RBFOX1: variants seen among roughly 807,000 people sequenced by gnomAD.
The protein encoded by RBFOX1 is RNA binding fox-1 homolog 1, also known as RNA binding protein fox-1 homolog 1.
A neutral mutation model predicts 57.7 loss-of-function variants in RBFOX1; 8 were observed. The ratio of observed to expected loss-of-function variants is 0.14; its 90% CI spans 0.08 to 0.25. RBFOX1 has a LOEUF of 0.25. Among genes scored for constraint, RBFOX1 ranks in the 10% least tolerant of loss-of-function variants. RBFOX1 has a pLI of 1.00. For synonymous variants in RBFOX1, 326 were observed against 222.4 expected (o/e 1.47, Z -4.15); for missense variants, 611 against 548.5 (o/e 1.11, Z -1.14).
chr16:7,270,109 C>A (rs1172983135), intron 4 of RBFOX1, among the ~76,000 whole-genome samples: 1 of 152,190 alleles, frequency 6.6e-6, no homozygotes, highest in Non-Finnish European at 1.5e-5. Flanking sequence ...GAAGCTAATA[C>A]TTCTCGTTGA....
intron 1 of RBFOX1, among the ~76,000 whole-genome samples, chr16:6,124,212 G>T (rs2096572143): frequency 6.6e-6 from 1 of 152,146 alleles, no homozygotes; most frequent in Non-Finnish European, 1.5e-5. Flanking sequence ...ATGTTGGATG[G>T]TTTGTCCATG....
At chr16:6,483,319 G>A (rs1378704690) in intron 2 of RBFOX1, 6 of 1,430,570 alleles carry the variant, frequency 4.2e-6, no homozygotes, top group Non-Finnish European at 3.7e-6. Context: ...CGCGCTCGGG[G>A]CGTTCTGCAC....
chr16:6,174,317 G>A (rs1425455707), intron 1 of RBFOX1, among the ~76,000 whole-genome samples: 2 of 152,188 alleles, frequency 1.3e-5, no homozygotes, highest in African/African-American at 4.8e-5. Context: ...AGTTAGGGCC[G>A]GGCACGGTGG....
chr16:6,943,850 C>T (rs575400284), intron 3 of RBFOX1, among the ~76,000 whole-genome samples: 1 of 152,098 alleles, frequency 6.6e-6, no homozygotes, highest in African/African-American at 2.4e-5. Flanking sequence ...TGTAACCATT[C>T]TAGCTTTTTC....
intron 11 of RBFOX1, among the ~76,000 whole-genome samples, chr16:7,650,373 G>C (rs932875404): frequency 5.3e-5 from 8 of 150,830 alleles, no homozygotes; most frequent in African/African-American, 2.0e-4. Flanking sequence ...ATTTAAGCCA[G>C]GAATTGATTT....
At chr16:7,597,311 C>G (rs2094755532) in intron 8 of RBFOX1, 60 bp from the exon 9 acceptor site, 2 of 1,272,670 alleles carry the variant, frequency 1.6e-6, no homozygotes, top group South Asian at 1.3e-5. Flanking sequence ...ATGCATGCAA[C>G]TAATTGAATT....
chr16:6,912,130 T>A (rs2071784015), intron 3 of RBFOX1, among the ~76,000 whole-genome samples: 1 of 152,216 alleles, frequency 6.6e-6, no homozygotes, highest in Admixed American at 6.5e-5. Flanking sequence ...ATTTCAGAAC[T>A]TTACGTTTGA....
At chr16:7,192,216 C>T (rs1409668282) in intron 4 of RBFOX1, among the ~76,000 whole-genome samples, 1 of 152,234 alleles carries the variant, frequency 6.6e-6, no homozygotes, top group Non-Finnish European at 1.5e-5. Context: ...CTGTGTTTTA[C>T]TGGCATTTTA....
At chr16:6,660,559 G>A (rs1380311884) in intron 3 of RBFOX1, among the ~76,000 whole-genome samples, 1 of 152,060 alleles carries the variant, frequency 6.6e-6, no homozygotes, top group Admixed American at 6.6e-5. Context: ...TGAAATGTCT[G>A]GGTTTCAATC....
chr16:5,778,219 G>C (rs2054207144), intron 3 of RBFOX1, among the ~76,000 whole-genome samples: 2 of 152,178 alleles, frequency 1.3e-5, no homozygotes, highest in African/African-American at 4.8e-5. Flanking sequence ...TACGGTGCCA[G>C]AATCATCCAT....
At chr16:5,521,806 C>A (rs1471628969) in intron 2 of RBFOX1, among the ~76,000 whole-genome samples, 1 of 152,234 alleles carries the variant, frequency 6.6e-6, no homozygotes, top group Non-Finnish European at 1.5e-5. Flanking sequence ...TCTTCTCCAA[C>A]ATGTCTCTCA....
chr16:5,514,287 C>G (rs149082474), intron 2 of RBFOX1, among the ~76,000 whole-genome samples: 201 of 152,276 alleles, frequency 1.3e-3, no homozygotes, highest in Non-Finnish European at 2.5e-3. Flanking sequence ...GGCTCTGTCG[C>G]CATGTCTCTC....
At chr16:6,730,150 G>A (rs147205773) in intron 3 of RBFOX1, among the ~76,000 whole-genome samples, 105 of 152,192 alleles carry the variant, frequency 6.9e-4, no homozygotes, top group African/African-American at 2.2e-3. Context: ...TTCCCTAAAA[G>A]AAGCCTTAAA....
At chr16:5,611,687 C>T (rs1354322690) in intron 3 of RBFOX1, among the ~76,000 whole-genome samples, 1 of 151,172 alleles carries the variant, frequency 6.6e-6, no homozygotes, top group African/African-American at 2.4e-5. Flanking sequence ...TCCATCCACC[C>T]ACTCCCCCAC....
intron 2 of RBFOX1, among the ~76,000 whole-genome samples, chr16:6,633,827 G>A (rs910081807): frequency 2.0e-5 from 3 of 152,038 alleles, no homozygotes; most frequent in African/African-American, 4.8e-5. Context: ...TGGGCAACAC[G>A]GAAAGATGTA....
At chr16:6,759,008 C>G (rs980518017) in intron 3 of RBFOX1, among the ~76,000 whole-genome samples, 2 of 152,044 alleles carry the variant, frequency 1.3e-5, no homozygotes, top group Admixed American at 6.6e-5. Context: ...CAATGATGAG[C>G]TAGTCATATT....
At chr16:5,921,687 T>C (rs546339089) in intron 4 of RBFOX1, among the ~76,000 whole-genome samples, 1 of 152,132 alleles carries the variant, frequency 6.6e-6, no homozygotes, top group Admixed American at 6.5e-5. Context: ...AGAGGTTTAA[T>C]TGGCTAATGG....
intron 3 of RBFOX1, among the ~76,000 whole-genome samples, chr16:6,983,258 A>G (rs2089431057): frequency 6.6e-6 from 1 of 152,088 alleles, no homozygotes. Context: ...ACTTGGAATC[A>G]CTAGTAACTG....
In RBFOX1 at chr16:7,229,774, G is replaced by A. The variant is rs796986863; in HGVS notation, c.27+177676G>A. 1.0e-3 allele frequency among the ~76,000 whole-genome samples: 75 copies of A among 72,674 alleles called. 11 individuals are homozygous for A. The highest frequency in any genetic ancestry group is 2.5e-3 in the African/African-American group (46 of 18,458). The allele number at this position is 72,674 out of a possible 152,430, so 47.7% of individuals were successfully genotyped here. ...AGGGAGAGAGAGGGAGGAAGGGAGA[G>A]AGAGGAAGGAAGGGAGAGAGAGGGA... is the stretch of plus-strand genomic sequence containing the variant. On this transcript the variant is annotated intron_variant, in intron 4 of 15. Coordinates refer to ENST00000550418, the MANE Select transcript of RBFOX1 (RefSeq NM_018723.4).
Sources: allele counts gnomAD v4.1 joint callset (sites outside exome capture counted in the v4.1 genomes callset), GRCh38; gene constraint gnomAD v4.1.1; transcripts MANE v1.5; gene names NCBI Gene and HGNC (gene_info 2026-07-23, HGNC 2026-07-21).